ZNF790: variants seen among roughly 807,000 people sequenced by gnomAD.
ZNF790 encodes zinc finger protein 790.
Under a neutral mutation model 12.1 loss-of-function variants are expected in ZNF790, and 8 were observed. The ratio of observed to expected loss-of-function variants is 0.66; its 90% confidence interval spans 0.39 to 1.19. The LOEUF (loss-of-function observed/expected upper bound fraction) is 1.19, where lower values mean the gene tolerates loss of function less well. ZNF790 is among the 50% of genes most tolerant of loss of function. The pLI is 0.01. For missense variants in ZNF790, 707 were observed against 752.2 expected, an observed-to-expected ratio of 0.94 and a Z score of 0.70; for synonymous variants, 252 against 244.3, an observed-to-expected ratio of 1.03 and a Z score of -0.29.
At chr19:36,840,667 A>G (rs2072122278), upstream of ZNF790, among the ~76,000 whole-genome samples, 1 of 152,200 alleles carries the variant, frequency 6.6e-6, no homozygotes, top group South Asian at 2.1e-4. Flanking sequence ...CCAATCTGAA[A>G]TTCAAGTTCT....
chr19:36,826,288 A>C (rs2071795771), intron 1 of ZNF790, among the ~76,000 whole-genome samples: 1 of 152,106 alleles, frequency 6.6e-6, no homozygotes, highest in Non-Finnish European at 1.5e-5. Flanking sequence ...ACGAACTTTT[A>C]TTAAAAAAAT....
Position 36,817,544 on chromosome 19 carries a change from C to A in ZNF790, c.*889G>T, listed in dbSNP as rs1262634946. 1.3e-5 allele frequency: 2 copies of A among 151,746 alleles called. No homozygotes were observed. Among genetic ancestry groups the A allele is most frequent in the African/African-American group, 2.4e-5 (1 of 41,276 alleles). The allele number at this position is 151,746 out of a possible 1,614,324, so 9.4% of individuals were successfully genotyped here. A position where few individuals can be genotyped will look rare whatever the true frequency, so the allele number is the denominator to read the frequency against. ...ATTATAGTCTTAAAAGTCCTCCTCT[C>A]ATAAAATGGCTTAATACCAATACAA... On this transcript the variant is annotated 3_prime_UTR_variant, in exon 5 of 5. Transcript: ENST00000356725.
intron 3 of ZNF790, 77 bp downstream of exon 3, chr19:36,823,590 C>T (rs772332384): frequency 5.7e-4 from 887 of 1,555,942 alleles, no homozygotes; most frequent in Non-Finnish European, 7.4e-4. Flanking sequence ...TCAGAAGTTA[C>T]CCTGGACATT....
At chr19:36,842,802 G>C (rs984719720), upstream of ZNF790, among the ~76,000 whole-genome samples, 22 of 151,732 alleles carry the variant, frequency 1.4e-4, no homozygotes, top group Non-Finnish European at 5.9e-5. Flanking sequence ...TCAGGAGTTC[G>C]AGAGCAGCCT....
At chr19:36,824,082 C>T (rs1346683885) in intron 2 of ZNF790, among the ~76,000 whole-genome samples, 6 of 144,790 alleles carry the variant, frequency 4.1e-5, no homozygotes, top group Admixed American at 1.4e-4. Context: ...CTGCAAGCTC[C>T]GCCTCCCGGG....
rs757170074 is a variant in ZNF790 at position 36,820,075 on chromosome 19, T to C, written c.269A>G (p.Lys90Arg). ...SRCQTKKLLP[K>R]NGIFEREIAQ... is the part of the protein sequence containing the mutation. Reference sequence around the variant, plus strand: ...TATTTCTCTCTCAAAAATGCCATTTTTTGGTAATAACTTCTTGGTCTGACA... The same window carrying C: ...TATTTCTCTCTCAAAAATGCCATTTCTTGGTAATAACTTCTTGGTCTGACA... Residue 90 changes from lysine to arginine, a missense_variant, in exon 5 of 5, where the codon AAA (lysine) becomes AGA (arginine). Physicochemically the swap from Lys to Arg is conservative, Grantham distance 26 (BLOSUM62 2). Coordinates refer to ENST00000356725, the MANE Select transcript of ZNF790 (RefSeq NM_206894.4). 6 of 1,608,902 alleles carry C rather than the reference T, an allele frequency of 3.7e-6. No homozygotes were observed. Among genetic ancestry groups the C allele is most frequent in the Non-Finnish European group, 2.5e-6 (3 of 1,179,894 alleles).
chr19:36,818,279 TCTGCTGCTGCTG>T lies in ZNF790; in HGVS notation c.*142_*153del, dbSNP rs10564276. 3.2e-5 allele frequency: 16 copies of T among 496,160 alleles called. No homozygotes were observed. The highest frequency in any genetic ancestry group is 2.2e-4 in the Admixed American group (6 of 27,258). 30.7% of individuals were successfully genotyped at this position (496,160 alleles called of 1,614,324 possible). A position where few individuals can be genotyped will look rare whatever the true frequency, so the allele number is the denominator to read the frequency against. On this transcript the variant is annotated 3_prime_UTR_variant, in exon 5 of 5. Transcript: ENST00000356725. ...CCTATATTGATTGCATGATGAATTC[TCTGCTGCTGCTG>T]CTGCTGCTGCTGCTGGATGTGTGCT...
At position 36,817,848 on chromosome 19, in the gene ZNF790, A is replaced by G. The variant is rs1396694970; in HGVS notation, c.*585T>C. On this transcript the variant is annotated 3_prime_UTR_variant, in exon 5 of 5. Transcript: ENST00000356725. The stretch of plus-strand genomic sequence containing the variant: ...TTGTGGGTTTTTGTTTTTGAGATGG[A>G]GTCTTGTTCTATCACCCAGGCTGGA... 6.6e-6 allele frequency: 1 copy of G among 152,052 alleles called. No individual in the cohort carries two copies. Among genetic ancestry groups the G allele is most frequent in the Admixed American group, 6.6e-5 (1 of 15,248 alleles). The allele number at this position is 152,052 out of a possible 1,614,324, so 9.4% of individuals were successfully genotyped here.
chr19:36,819,724 A>C lies in ZNF790; in HGVS notation c.620T>G (p.Phe207Cys). Residue 207 changes from phenylalanine to cysteine, a missense_variant, in exon 5 of 5, where the codon TTT becomes TGT. Transcript: ENST00000356725. ...TTGAATAACTTCTGAATCAGGAAGA[A>C]AGGTATTCCCACATTCTTTATCTCC... is the stretch of plus-strand genomic sequence containing the variant. ...FCGDKECGNTFLPDSEVIQYQ... is the reference protein window; with the variant it reads ...FCGDKECGNTCLPDSEVIQYQ... 6.2e-7 allele frequency: 1 copy of C among 1,613,810 alleles called. No individual in the cohort carries two copies. Among genetic ancestry groups the C allele is most frequent in the Admixed American group, 1.7e-5 (1 of 59,986 alleles).
chr19:36,845,047 CAAAAAAAAAAA>C (rs10611049), intron 1 of ZNF790, among the ~76,000 whole-genome samples: 5 of 34,918 alleles, frequency 1.4e-4, no homozygotes, highest in African/African-American at 2.9e-4. Context: ...GACTCCGTCT[CAAAAAAAAAAA>C]AAAAAAAAAA....
intron 1 of ZNF790, among the ~76,000 whole-genome samples, chr19:36,826,151 T>C (rs1487046665): frequency 6.6e-6 from 1 of 152,172 alleles, no homozygotes; most frequent in Admixed American, 6.5e-5. Context: ...CTTTCCCTTA[T>C]AGGAGCAGCC....
At chr19:36,829,470 C>G (rs1013309797) in intron 1 of ZNF790, among the ~76,000 whole-genome samples, 2 of 152,200 alleles carry the variant, frequency 1.3e-5, no homozygotes, top group African/African-American at 4.8e-5. Context: ...GTACTTCATT[C>G]CTTGCTATGC....
In ZNF790 at chr19:36,818,729, A is replaced by G. The variant is rs750921197; in HGVS notation, c.1615T>C (p.Cys539Arg). 6.2e-7 allele frequency: 1 copy of G among 1,613,158 alleles called. No homozygotes were observed. Among genetic ancestry groups the G allele is most frequent in the Non-Finnish European group, 8.5e-7 (1 of 1,179,726 alleles). The change falls in exon 5 of 5, where the codon TGT (cysteine) becomes CGT (arginine). Residue 539 changes from cysteine to arginine, a missense_variant. Physicochemically the swap from Cys to Arg is radical, Grantham distance 180. Coordinates refer to ENST00000356725, the MANE Select transcript of ZNF790 (RefSeq NM_206894.4). ...TGEEPYVCKE[C>R]GKSFIWGSQL... ...GAACCCCAGATAAAAGATTTCCCAC[A>G]TTCTTTACATACGTAAGGTTCCTCA...
intron 1 of ZNF790, among the ~76,000 whole-genome samples, chr19:36,836,347 C>T (rs1383449935): frequency 6.6e-6 from 1 of 152,108 alleles, no homozygotes; most frequent in Admixed American, 6.5e-5. Context: ...CTGCTTTTAT[C>T]AGCCTGCCCA....
chr19:36,847,064 A>C (rs1310810724), intron 1 of ZNF790, among the ~76,000 whole-genome samples: 2 of 152,196 alleles, frequency 1.3e-5, no homozygotes, highest in African/African-American at 4.8e-5. Flanking sequence ...CTGTTAAAAC[A>C]CTTGTTCTTA....
chr19:36,832,914 G>A (rs1159425684), intron 1 of ZNF790, among the ~76,000 whole-genome samples: 5 of 151,010 alleles, frequency 3.3e-5, no homozygotes, highest in Non-Finnish European at 4.4e-5. Context: ...AGCCAAGGCA[G>A]GAGGACTGCC....
chr19:36,819,558 G>A lies in ZNF790; in HGVS notation c.786C>T (p.Ala262=). 2 of 1,612,446 alleles carry A rather than the reference G, an allele frequency of 1.2e-6. No individual in the cohort carries two copies. The highest frequency in any genetic ancestry group is 2.2e-5 in the South Asian group (2 of 91,020). The change falls in exon 5 of 5, where the codon GCC becomes GCT. Residue 262 remains alanine (A), a synonymous_variant. Transcript: ENST00000356725. The part of the protein sequence containing the change: ...KPFKCKDCGK[A]FRFHSQLSVH... The stretch of plus-strand genomic sequence containing the variant: ...CACTAAGTTGTGAATGAAATCTAAA[G>A]GCTTTCCCACAATCCTTACATTTAA...
At chr19:36,834,242 TC>T (rs1273018244) in intron 1 of ZNF790, among the ~76,000 whole-genome samples, 2 of 58,024 alleles carry the variant, frequency 3.4e-5, no homozygotes, top group African/African-American at 1.6e-4. Context: ...AAACTCCATC[TC>T]AAAAAAAAAA....
rs763339576 is a variant in ZNF790 at position 36,823,623 on chromosome 19, CA to C, written c.133+43del. 1.3e-5 allele frequency: 20 copies of C among 1,587,352 alleles called. No individual in the cohort carries two copies. In the African/African-American group the frequency reaches 2.2e-4, roughly 17 times the overall value. On this transcript the variant is annotated intron_variant, in intron 3 of 4. Coordinates refer to ENST00000356725, the MANE Select transcript of ZNF790 (RefSeq NM_206894.4). ...ATTTAAAAGACAATAAAAAAAATCA[CA>C]ATACAGAAAGCAGGAATTTCTAAGG... is the stretch of plus-strand genomic sequence containing the variant.
Sources: gnomAD v4.1 joint callset for allele counts (sites outside exome capture counted in the v4.1 genomes callset) on GRCh38, gnomAD v4.1.1 for gene constraint, MANE v1.5 for transcripts, NCBI Gene and HGNC (gene_info 2026-07-23, HGNC 2026-07-21) for gene names.